The following NCKAP5 variants were observed in gnomAD, a reference collection of about 807,000 sequenced individuals.
NCKAP5 encodes nck-associated protein 5.
A neutral mutation model predicts 167.0 loss-of-function variants in NCKAP5; 92 were observed. The observed-to-expected ratio is 0.55, with a 90% CI of 0.47 to 0.66. The LOEUF (loss-of-function observed/expected upper bound fraction) is 0.66. NCKAP5 is among the 30% of genes least tolerant of loss of function. NCKAP5 has a pLI of 0.00. For missense variants in NCKAP5, 2,378 were observed against 2,315.0 expected, an observed-to-expected ratio of 1.03 and a Z score of -0.56; for synonymous variants, 891 against 877.4, an observed-to-expected ratio of 1.02 and a Z score of -0.27.
At chr2:133,503,845 G>C (rs1682758048) in intron 3 of NCKAP5, among the ~76,000 whole-genome samples, 1 of 152,170 alleles carries the variant, frequency 6.6e-6, no homozygotes, top group African/African-American at 2.4e-5. Context: ...CTTTAGGATA[G>C]AGCACATTGT....
intron 8 of NCKAP5, among the ~76,000 whole-genome samples, chr2:132,935,534 GAGCAAAAGCAAAGGGGT>G (rs1696774286): frequency 6.6e-6 from 1 of 152,130 alleles, no homozygotes; most frequent in African/African-American, 2.4e-5. Flanking sequence ...GAAATTATGG[GAGCAAAAGCAAAGGGGT>G]AGGAAAACAC....
chr2:132,878,832 T>A lies in NCKAP5; in HGVS notation c.648+16A>T. The A allele has an allele frequency of 6.2e-7, 1 of 1,605,252 alleles. No individual in the cohort carries two copies. Among genetic ancestry groups the A allele is most frequent in the East Asian group, 2.2e-5 (1 of 44,818 alleles). On this transcript the variant is annotated intron_variant, in intron 9 of 19. Coordinates refer to ENST00000409261, the MANE Select transcript of NCKAP5 (RefSeq NM_207363.3). ...CTAGTCCAGCCTTGGATCAGGAGCC[T>A]CTCCATCCCCCTTACCTCATCAAGA...
intron 3 of NCKAP5, among the ~76,000 whole-genome samples, chr2:133,435,812 A>T (rs1012235578): frequency 1.3e-5 from 2 of 152,062 alleles, no homozygotes; most frequent in Non-Finnish European, 2.9e-5. Context: ...TATCTCCTTC[A>T]TGGTGTTCTC....
At chr2:133,172,269 T>C (rs2084280524) in intron 5 of NCKAP5, among the ~76,000 whole-genome samples, 1 of 152,198 alleles carries the variant, frequency 6.6e-6, no homozygotes, top group South Asian at 2.1e-4. Context: ...TATAGAGGCC[T>C]GAGAAATAAA....
chr2:132,915,029 T>G (rs888052451), intron 8 of NCKAP5, among the ~76,000 whole-genome samples: 39 of 151,954 alleles, frequency 2.6e-4, no homozygotes, highest in African/African-American at 8.9e-4. Context: ...ACCTTCTATT[T>G]CAGCAATTAG....
intron 4 of NCKAP5, among the ~76,000 whole-genome samples, chr2:133,302,486 A>G (rs1303621032): frequency 4.7e-5 from 2 of 42,142 alleles, no homozygotes; most frequent in Non-Finnish European, 9.0e-5. Context: ...TTGTAGGGAC[A>G]TGGATGAAAT....
At chr2:132,981,528 C>T (rs2077141823) in intron 7 of NCKAP5, among the ~76,000 whole-genome samples, 1 of 152,184 alleles carries the variant, frequency 6.6e-6, no homozygotes, top group South Asian at 2.1e-4. Flanking sequence ...TTCCTCACTT[C>T]TGTATCCCTA....
chr2:133,378,830 A>C (rs1413078799), intron 3 of NCKAP5, among the ~76,000 whole-genome samples: 1 of 152,202 alleles, frequency 6.6e-6, no homozygotes, highest in Non-Finnish European at 1.5e-5. Flanking sequence ...TTCTGATAAA[A>C]GTTTGTAAGA....
chr2:132,752,765 C>T (rs1680222655), intron 16 of NCKAP5, among the ~76,000 whole-genome samples: 1 of 152,138 alleles, frequency 6.6e-6, no homozygotes, highest in Non-Finnish European at 1.5e-5. Flanking sequence ...GCGGACAATT[C>T]CCAAGATCTT....
intron 2 of NCKAP5, among the ~76,000 whole-genome samples, chr2:133,527,795 TG>T (rs1261936245): frequency 9.2e-5 from 14 of 152,144 alleles, no homozygotes; most frequent in Non-Finnish European, 7.4e-5. Flanking sequence ...CCAGGTTCGG[TG>T]GTTCATACCT....
chr2:132,926,068 T>C (rs1002439687), intron 8 of NCKAP5: 3 of 202,258 alleles, frequency 1.5e-5, no homozygotes, highest in South Asian at 6.9e-5. Context: ...CTTCAATGAT[T>C]ATTATCACAC....
intron 4 of NCKAP5, among the ~76,000 whole-genome samples, chr2:133,261,417 T>C (rs1357970208): frequency 2.0e-5 from 3 of 152,168 alleles, no homozygotes; most frequent in Non-Finnish European, 4.4e-5. Context: ...ACAGAGAAAA[T>C]ATCTATTTCA....
At chr2:132,985,195 AG>A (rs2077255347) in intron 7 of NCKAP5, among the ~76,000 whole-genome samples, 1 of 152,126 alleles carries the variant, frequency 6.6e-6, no homozygotes, top group South Asian at 2.1e-4. Context: ...AACTCGGTTC[AG>A]GGTCAAAACG....
chr2:133,166,018 T>C (rs35559119), intron 5 of NCKAP5, among the ~76,000 whole-genome samples: 10,187 of 152,244 alleles, frequency 0.067, 660 homozygotes, highest in East Asian at 0.37. Context: ...TATGTGGTCT[T>C]TGTTTTCAGG....
intron 8 of NCKAP5, among the ~76,000 whole-genome samples, chr2:132,906,104 G>A (rs1693991131): frequency 6.6e-6 from 1 of 152,116 alleles, no homozygotes; most frequent in African/African-American, 2.4e-5. Flanking sequence ...CCAAGAGTTT[G>A]AAACAAAAAC....
At chr2:133,585,502 A>G in the NCKAP5 span, among the ~76,000 whole-genome samples, 1 of 152,246 alleles carries the variant, frequency 6.6e-6, no homozygotes. Context: ...TCGGGAATGC[A>G]GGTCAGGCCT....
intron 11 of NCKAP5, among the ~76,000 whole-genome samples, chr2:132,820,323 G>A (rs1051849061): frequency 4.6e-5 from 7 of 151,636 alleles, no homozygotes; most frequent in East Asian, 1.9e-4. Context: ...TCTGCCTTCC[G>A]GGTTCACGCC....
chr2:133,491,304 A>G (rs1204960507), intron 3 of NCKAP5, among the ~76,000 whole-genome samples: 1 of 152,204 alleles, frequency 6.6e-6, no homozygotes, highest in Non-Finnish European at 1.5e-5. Flanking sequence ...TCTGAATCCA[A>G]CTATCACAGG....
upstream of NCKAP5, among the ~76,000 whole-genome samples, chr2:133,569,536 C>G (rs1200373135): frequency 6.6e-6 from 1 of 152,070 alleles, no homozygotes; most frequent in Non-Finnish European, 1.5e-5. Context: ...TTGTTTATAC[C>G]TAAATCACTT....
Sources: allele counts gnomAD v4.1 joint callset (sites outside exome capture counted in the v4.1 genomes callset), GRCh38; gene constraint gnomAD v4.1.1; transcripts MANE v1.5; gene names NCBI Gene and HGNC (gene_info 2026-07-23, HGNC 2026-07-21).